The following MAD1L1 variants were observed in gnomAD, a reference collection of about 807,000 sequenced individuals.
The protein encoded by MAD1L1 is mitotic arrest deficient 1 like 1, also known as mitotic spindle assembly checkpoint protein MAD1.
Under a neutral mutation model 96.9 loss-of-function variants are expected in MAD1L1, and 95 were observed. The ratio of observed to expected loss-of-function variants is 0.98; its 90% CI spans 0.83 to 1.16. The LOEUF is 1.16. Among genes scored for constraint, MAD1L1 ranks in the 50% most tolerant of loss-of-function variants. The probability of loss-of-function intolerance (pLI) is 0.00; values close to 1 mark genes in which losing one functional copy is unlikely to be tolerated. For synonymous variants in MAD1L1, 473 were observed against 396.6 expected (o/e 1.19, Z -2.29); for missense variants, 1,007 against 954.4 (o/e 1.06, Z -0.73).
intron 10 of MAD1L1, among the ~76,000 whole-genome samples, chr7:2,200,856 G>A (rs1792256581): frequency 6.6e-6 from 1 of 152,232 alleles, no homozygotes; most frequent in South Asian, 2.1e-4. Flanking sequence ...CTGATTCCAG[G>A]TGACCACACC....
At chr7:1,881,156 C>T (rs117576939) in intron 18 of MAD1L1, among the ~76,000 whole-genome samples, 37 of 152,296 alleles carry the variant, frequency 2.4e-4, no homozygotes, top group South Asian at 4.2e-4. Flanking sequence ...CAGAATTACA[C>T]GAGATGAGCC....
At chr7:2,018,706 C>G (rs567111284) in intron 12 of MAD1L1, among the ~76,000 whole-genome samples, 4 of 152,132 alleles carry the variant, frequency 2.6e-5, no homozygotes, top group Non-Finnish European at 5.9e-5. Context: ...AGCTGAGTAC[C>G]GCGTGCCCCC....
intron 18 of MAD1L1, among the ~76,000 whole-genome samples, chr7:1,891,928 T>C (rs1786564855): frequency 6.6e-6 from 1 of 152,178 alleles, no homozygotes; most frequent in African/African-American, 2.4e-5. Context: ...TAGTTGAGTG[T>C]AGCCTAAGTG....
intron 11 of MAD1L1, among the ~76,000 whole-genome samples, chr7:2,100,883 A>G (rs944176096): frequency 2.0e-5 from 3 of 152,224 alleles, no homozygotes; most frequent in Admixed American, 6.5e-5. Flanking sequence ...GGAGGGGCGC[A>G]GGGGCCTCCA....
intron 12 of MAD1L1, among the ~76,000 whole-genome samples, chr7:2,044,415 C>T (rs1348155909): frequency 6.6e-6 from 1 of 152,176 alleles, no homozygotes; most frequent in Admixed American, 6.5e-5. Flanking sequence ...GTGTGAGAGG[C>T]CAAAGAGAAG....
intron 18 of MAD1L1, among the ~76,000 whole-genome samples, chr7:1,873,567 G>A (rs764587118): frequency 6.6e-6 from 1 of 152,022 alleles, no homozygotes; most frequent in Non-Finnish European, 1.5e-5. Flanking sequence ...GGGGGCCAAG[G>A]GGCTCTTCTG....
chr7:1,918,007 G>C (rs1788522047), intron 17 of MAD1L1, among the ~76,000 whole-genome samples: 1 of 152,120 alleles, frequency 6.6e-6, no homozygotes. Context: ...AGGGGCCCAG[G>C]CAGCGCTGTA....
intron 11 of MAD1L1, among the ~76,000 whole-genome samples, chr7:2,094,755 G>C (rs988001512): frequency 4.9e-4 from 71 of 144,034 alleles, no homozygotes; most frequent in African/African-American, 1.9e-3. Flanking sequence ...CAGCAAGGGG[G>C]AAGGACTCCA....
intron 18 of MAD1L1, among the ~76,000 whole-genome samples, chr7:1,834,707 C>G (rs1782861573): frequency 6.6e-6 from 1 of 152,142 alleles, no homozygotes; most frequent in Non-Finnish European, 1.5e-5. Flanking sequence ...GAAATAATAT[C>G]AATTCTACAT....
intron 17 of MAD1L1, among the ~76,000 whole-genome samples, chr7:1,913,372 G>A (rs1179509848): frequency 6.6e-6 from 1 of 152,170 alleles, no homozygotes; most frequent in Non-Finnish European, 1.5e-5. Flanking sequence ...GGTGGCGTGG[G>A]GTGGGGGATC....
chr7:2,209,459 G>C (rs1287687529), intron 10 of MAD1L1, among the ~76,000 whole-genome samples: 2 of 152,212 alleles, frequency 1.3e-5, no homozygotes, highest in Non-Finnish European at 2.9e-5. Flanking sequence ...ACACTGGTCA[G>C]AAACAAGGCA....
intron 11 of MAD1L1, among the ~76,000 whole-genome samples, chr7:2,083,607 C>T (rs574399829): frequency 6.6e-6 from 1 of 152,352 alleles, no homozygotes; most frequent in South Asian, 2.1e-4. Flanking sequence ...CCAGACGTAA[C>T]AGACTGCAAG....
chr7:1,885,481 G>A (rs1166846924), intron 18 of MAD1L1, among the ~76,000 whole-genome samples: 1 of 106,742 alleles, frequency 9.4e-6, no homozygotes, highest in East Asian at 2.7e-4. Flanking sequence ...GGGCTGGGCT[G>A]CGGGTGTGTG....
At chr7:2,168,880 T>C (rs1790569442) in intron 10 of MAD1L1, among the ~76,000 whole-genome samples, 1 of 152,028 alleles carries the variant, frequency 6.6e-6, no homozygotes, top group Non-Finnish European at 1.5e-5. Flanking sequence ...GAGCCAGGGA[T>C]TGTGGCTGAA....
chr7:2,027,917 A>T (rs532708088), intron 12 of MAD1L1, among the ~76,000 whole-genome samples: 22 of 152,356 alleles, frequency 1.4e-4, no homozygotes, highest in African/African-American at 5.1e-4. Context: ...AGCTATTATT[A>T]AATCACTCAA....
rs1788409752 is a variant in MAD1L1 at position 1,916,561 on chromosome 7, CAGTG to C, written c.1808-18175_1808-18172del. 2.0e-5 allele frequency among the ~76,000 whole-genome samples: 3 copies of C among 152,348 alleles called. No homozygotes were observed. The South Asian group carries it at 6.2e-4, about 32-fold the overall frequency. On this transcript the variant is annotated intron_variant, in intron 17 of 18. Coordinates refer to ENST00000265854, the MANE Select transcript of MAD1L1 (RefSeq NM_001013836.2). ...GAGGCGGGGACACACGCCCAGCAGA[CAGTG>C]AGCCCTCAAGGAAGGGACTCGACTT...
At chr7:2,022,385 C>A (rs1033679237) in intron 12 of MAD1L1, among the ~76,000 whole-genome samples, 1 of 152,172 alleles carries the variant, frequency 6.6e-6, no homozygotes, top group Non-Finnish European at 1.5e-5. Context: ...AATCCCAGCA[C>A]TTTGGGAGGC....
At chr7:2,034,468 A>G (rs1783375832) in intron 12 of MAD1L1, among the ~76,000 whole-genome samples, 2 of 152,186 alleles carry the variant, frequency 1.3e-5, no homozygotes, top group African/African-American at 4.8e-5. Flanking sequence ...CACCCGTCTC[A>G]GCCTCCCAAA....
chr7:2,028,343 C>T (rs1352281736), intron 12 of MAD1L1, among the ~76,000 whole-genome samples: 11 of 148,994 alleles, frequency 7.4e-5, no homozygotes, highest in East Asian at 4.0e-4. Flanking sequence ...GAGAATGGCG[C>T]GAACCCAGGA....
Sources: allele counts gnomAD v4.1 joint callset (sites outside exome capture counted in the v4.1 genomes callset), GRCh38; gene constraint gnomAD v4.1.1; transcripts MANE v1.5; gene names NCBI Gene and HGNC (gene_info 2026-07-23, HGNC 2026-07-21).